MGAM2: variants seen among roughly 807,000 people sequenced by gnomAD.
The protein encoded by MGAM2 is probable maltase-glucoamylase 2.
A neutral mutation model predicts 96.1 loss-of-function variants in MGAM2; 98 were observed. The observed-to-expected ratio is 1.02, with a 90% CI of 0.87 to 1.21. The LOEUF is 1.21. Ranked by LOEUF, MGAM2 falls within the 50% of genes most tolerant of loss-of-function variation. The probability of loss-of-function intolerance (pLI) is 0.00; values close to 1 mark genes in which losing one functional copy is unlikely to be tolerated. For missense variants in MGAM2, 2,055 were observed against 1,182.4 expected (o/e 1.74, Z -10.82); for synonymous variants, 749 against 414.8 (o/e 1.81, Z -9.79).
intron 26 of MGAM2, among the ~76,000 whole-genome samples, chr7:142,169,140 C>G (rs1457968574): frequency 6.6e-6 from 1 of 152,134 alleles, no homozygotes. Context: ...CTTTAGAAAA[C>G]CTTCACCTGG....
intron 6 of MGAM2, 142 bp downstream of exon 6, chr7:142,132,227 A>G: frequency 4.2e-6 from 2 of 475,532 alleles, no homozygotes; most frequent in Non-Finnish European, 7.4e-6. Context: ...GGTTTGCTGT[A>G]AAATAACAGT....
Position 142,162,949 on chromosome 7 carries a change from A to C in MGAM2, c.2484+945A>C, listed in dbSNP as rs115029944. On this transcript the variant is annotated intron_variant, in intron 23 of 47. Coordinates refer to ENST00000477922, the MANE Select transcript of MGAM2 (RefSeq NM_001293626.2). ...TAGCATGTCCACTTGCTTCTTCCCC[A>C]ATCCCTCCTCAGCCCCTGGCAACCA... Among the ~76,000 whole-genome samples, 980 of 152,080 alleles carry C rather than the reference A, an allele frequency of 6.4e-3. 6 individuals are homozygous for C. Among genetic ancestry groups the C allele is most frequent in the African/African-American group, 0.012 (499 of 41,478 alleles).
At position 142,196,232 on chromosome 7, in the gene MGAM2, A is replaced by C; in HGVS notation, c.4425A>C (p.Gly1475=). Residue 1475 remains glycine (G), a synonymous_variant, in exon 38 of 48, where the codon GGA becomes GGC. Coordinates refer to ENST00000477922, the MANE Select transcript of MGAM2 (RefSeq NM_001293626.2). Reference sequence around the variant, plus strand: ...TTCCCTCTTCTGGACGCTGGGGAGGACACCGGTTGGGAAACAACACAGCTG... The same window carrying C: ...TTCCCTCTTCTGGACGCTGGGGAGGCCACCGGTTGGGAAACAACACAGCTG... ...STFPSSGRWG[G]HRLGNNTAAW... is the part of the protein sequence containing the mutation. The C allele has an allele frequency of 3.0e-6, 3 of 995,614 alleles. No homozygotes were observed. The highest frequency in any genetic ancestry group is 4.7e-6 in the Non-Finnish European group (3 of 638,422). The allele number at this position is 995,614 out of a possible 1,614,324, so 61.7% of individuals were successfully genotyped here. A position where few individuals can be genotyped will look rare whatever the true frequency, so the allele number is the denominator to read the frequency against.
rs1373253584 is a variant in MGAM2 at position 142,154,006 on chromosome 7, A to G, written c.1635-12A>G. 4 of 640,504 alleles carry G rather than the reference A, an allele frequency of 6.2e-6. No individual in the cohort carries two copies. Among genetic ancestry groups the G allele is most frequent in the Middle Eastern group, 2.4e-4 (1 of 4,118 alleles). The allele number at this position is 640,504 out of a possible 1,614,324, so 39.7% of individuals were successfully genotyped here. On this transcript the variant is annotated splice_polypyrimidine_tract_variant and intron_variant, in intron 15 of 47. Coordinates refer to ENST00000477922, the MANE Select transcript of MGAM2 (RefSeq NM_001293626.2). Reference sequence around the variant, plus strand: ...GCCCACCTCACACTCCACTGGATGTATTCCTTTCCAGAGCCCTGGAGACCA... The same window carrying G: ...GCCCACCTCACACTCCACTGGATGTGTTCCTTTCCAGAGCCCTGGAGACCA...
At chr7:142,191,732 C>T (rs528703649) in intron 37 of MGAM2, among the ~76,000 whole-genome samples, 109 of 152,040 alleles carry the variant, frequency 7.2e-4, no homozygotes, top group African/African-American at 2.6e-3. Flanking sequence ...TTTGTAATCA[C>T]TTTGTCAGTT....
intron 12 of MGAM2, among the ~76,000 whole-genome samples, chr7:142,142,013 C>T (rs919072802): frequency 2.6e-5 from 4 of 152,188 alleles, no homozygotes; most frequent in Non-Finnish European, 4.4e-5. Flanking sequence ...ATTGTTGCTT[C>T]ATCTAGAGAG....
chr7:142,169,403 AG>A (rs1796126593), intron 26 of MGAM2, among the ~76,000 whole-genome samples: 1 of 152,184 alleles, frequency 6.6e-6, no homozygotes, highest in African/African-American at 2.4e-5. Context: ...AGCTGGCGAC[AG>A]AGTGAGAATC....
Position 142,220,730 on chromosome 7 carries a change from C to T in MGAM2, c.6219C>T (p.Asn2073=). The T allele has an allele frequency of 4.3e-6, 3 of 702,224 alleles. No individual in the cohort carries two copies. The South Asian group carries it at 4.4e-5, about 10-fold the overall frequency. The allele number at this position is 702,224 out of a possible 1,614,324, so 43.5% of individuals were successfully genotyped here. ...CCCCTACAAATACTGCTGATGCTAA[C>T]ACTAGTAATACTGTTCCTAATACCA... is the stretch of plus-strand genomic sequence containing the variant. ...TPSPTNTADA[N]TSNTVPNTTM... Residue 2073 remains asparagine (N), a synonymous_variant, in exon 48 of 48, where the codon AAC becomes AAT. Coordinates refer to ENST00000477922, the MANE Select transcript of MGAM2 (RefSeq NM_001293626.2).
Position 142,175,570 on chromosome 7 carries a change from C to G in MGAM2, c.3688-82C>G, listed in dbSNP as rs1432936637. On this transcript the variant is annotated intron_variant, in intron 31 of 47. Coordinates refer to ENST00000477922, the MANE Select transcript of MGAM2 (RefSeq NM_001293626.2). Reference sequence around the variant, plus strand: ...GGAATGGGGCAGGCAGGCAGCAGGACCAGGGGCCTGGCAGAGCAGTTAATG... The same window carrying G: ...GGAATGGGGCAGGCAGGCAGCAGGAGCAGGGGCCTGGCAGAGCAGTTAATG... The G allele has an allele frequency of 1.2e-5, 8 of 658,360 alleles. No homozygotes were observed. In the Admixed American group the frequency reaches 1.9e-4, roughly 16 times the overall value. 40.8% of individuals were successfully genotyped at this position (658,360 alleles called of 1,614,324 possible). A position where few individuals can be genotyped will look rare whatever the true frequency, so the allele number is the denominator to read the frequency against.
Position 142,123,193 on chromosome 7 carries a change from C to T in MGAM2, c.186+2812C>T, listed in dbSNP as rs895044655. ...ATTCTTTTTTTTTTTTCTGTATCCACCCTACTCTTGATAGGCAATTGTGAG... is the reference window on the plus strand; with the variant it reads ...ATTCTTTTTTTTTTTTCTGTATCCATCCTACTCTTGATAGGCAATTGTGAG... On this transcript the variant is annotated intron_variant, in intron 3 of 47. Coordinates refer to ENST00000477922, the MANE Select transcript of MGAM2 (RefSeq NM_001293626.2). 4.0e-5 allele frequency among the ~76,000 whole-genome samples: 6 copies of T among 151,446 alleles called. No individual in the cohort carries two copies. In the South Asian group the frequency reaches 1.0e-3, roughly 26 times the overall value.
chr7:142,187,459 T>C (rs564466841), intron 35 of MGAM2, among the ~76,000 whole-genome samples: 1 of 152,354 alleles, frequency 6.6e-6, no homozygotes, highest in African/African-American at 2.4e-5. Context: ...TACCTCACTA[T>C]TTTTGCCACT....
chr7:142,192,112 C>T (rs1186188490), intron 37 of MGAM2, among the ~76,000 whole-genome samples: 1 of 152,064 alleles, frequency 6.6e-6, no homozygotes, highest in Non-Finnish European at 1.5e-5. Flanking sequence ...CCTTCTGTCC[C>T]CAGAGTTTAC....
At chr7:142,149,601 T>C (rs192888626) in intron 15 of MGAM2, among the ~76,000 whole-genome samples, 2,770 of 151,438 alleles carry the variant, frequency 0.018, 80 homozygotes, top group African/African-American at 0.055. Context: ...AGTGCAGTGG[T>C]GCGATCTCGG....
At chr7:142,120,874 A>G (rs1336497411) in intron 3 of MGAM2, among the ~76,000 whole-genome samples, 1 of 152,202 alleles carries the variant, frequency 6.6e-6, no homozygotes. Flanking sequence ...AGAGGTCCCA[A>G]TGGATACGTG....
chr7:142,212,403 A>G (rs1010585139), intron 46 of MGAM2, among the ~76,000 whole-genome samples: 12 of 152,216 alleles, frequency 7.9e-5, no homozygotes, highest in Non-Finnish European at 1.5e-4. Context: ...AAAGGCACAG[A>G]CTGGCAAATT....
intron 46 of MGAM2, among the ~76,000 whole-genome samples, chr7:142,214,690 A>G (rs1407604422): frequency 6.6e-6 from 1 of 152,224 alleles, no homozygotes; most frequent in Non-Finnish European, 1.5e-5. Flanking sequence ...GCTCATGGAT[A>G]GGAAGAATCA....
At chr7:142,112,501 G>A (rs1817206470) in intron 1 of MGAM2, among the ~76,000 whole-genome samples, 1 of 152,062 alleles carries the variant, frequency 6.6e-6, no homozygotes, top group Non-Finnish European at 1.5e-5. Context: ...ATTGAGTTGT[G>A]GGCTGTATGT....
intron 13 of MGAM2, among the ~76,000 whole-genome samples, chr7:142,144,477 A>G (rs1264754236): frequency 6.6e-6 from 1 of 152,234 alleles, no homozygotes; most frequent in Non-Finnish European, 1.5e-5. Context: ...CAGAGGAATA[A>G]AGGATAGGGA....
At chr7:142,210,875 C>A (rs578128594) in intron 46 of MGAM2, among the ~76,000 whole-genome samples, 1 of 152,324 alleles carries the variant, frequency 6.6e-6, no homozygotes, top group South Asian at 2.1e-4. Context: ...GGTCCCTGAC[C>A]CCCGTGCCTC....
Sources: gnomAD v4.1 joint callset for allele counts (sites outside exome capture counted in the v4.1 genomes callset) on GRCh38, gnomAD v4.1.1 for gene constraint, MANE v1.5 for transcripts, NCBI Gene and HGNC (gene_info 2026-07-23, HGNC 2026-07-21) for gene names.